PXDNL: variants seen among roughly 807,000 people sequenced by gnomAD.
PXDNL encodes the protein peroxidasin like.
Under a neutral mutation model 150.8 loss-of-function variants are expected in PXDNL, and 145 were observed. The observed-to-expected ratio is 0.96, with a 90% confidence interval of 0.84 to 1.10. PXDNL has a LOEUF of 1.10. Among genes scored for constraint, PXDNL ranks in the 50% least tolerant of loss-of-function variants. PXDNL has a pLI of 0.00. For synonymous variants in PXDNL, 757 were observed against 725.7 expected, an observed-to-expected ratio of 1.04 and a Z score of -0.69; for missense variants, 2,087 against 1,873.9, an observed-to-expected ratio of 1.11 and a Z score of -2.10.
At chr8:51,578,057 AGAAAG>A (rs1181366525) in intron 3 of PXDNL, among the ~76,000 whole-genome samples, 14 of 143,490 alleles carry the variant, frequency 9.8e-5, no homozygotes, top group East Asian at 2.0e-4. Context: ...AAGGAAAGAA[AGAAAG>A]GAAAGAAAGA....
chr8:51,426,593 C>A, intron 13 of PXDNL, 53 bp downstream of exon 13: 2 of 1,008,054 alleles, frequency 2.0e-6, no homozygotes, highest in South Asian at 1.5e-5. Context: ...TTCAGTGGGT[C>A]GATACATCTG....
chr8:51,449,050 A>T lies in PXDNL; in HGVS notation c.1318T>A (p.Cys440Ser). 1 of 1,553,148 alleles carries T rather than the reference A, an allele frequency of 6.4e-7. No individual in the cohort carries two copies. Among genetic ancestry groups the T allele is most frequent in the Non-Finnish European group, 8.7e-7 (1 of 1,147,724 alleles). The stretch of plus-strand genomic sequence containing the variant: ...GGAGGTGGGTTGCCGTCAGCTTCAC[A>T]GAGCCACTCTACAGCATGTTCTTCC... ...VLEEHAVEWLCEADGNPPPVI... is the reference protein window; with the variant it reads ...VLEEHAVEWLSEADGNPPPVI... The change falls in exon 11 of 23, where the codon TGT becomes AGT. Residue 440 changes from cysteine to serine, a missense_variant. Physicochemically the swap from Cys to Ser is moderately radical, Grantham distance 112 (BLOSUM62 -1). Transcript: ENST00000356297.
intron 1 of PXDNL, among the ~76,000 whole-genome samples, chr8:51,733,826 T>G (rs1270081173): frequency 1.4e-5 from 2 of 141,740 alleles, no homozygotes; most frequent in Non-Finnish European, 3.1e-5. Context: ...TATATATATA[T>G]ATATATAATT....
intron 17 of PXDNL, among the ~76,000 whole-genome samples, 177 bp downstream of exon 17, chr8:51,407,890 A>G (rs1471906459): frequency 6.6e-6 from 1 of 152,158 alleles, no homozygotes; most frequent in Non-Finnish European, 1.5e-5. Flanking sequence ...AGGAGCAGAA[A>G]GGGGGATTTC....
intron 14 of PXDNL, among the ~76,000 whole-genome samples, chr8:51,418,619 A>G (rs1189025372): frequency 6.6e-6 from 1 of 152,220 alleles, no homozygotes; most frequent in East Asian, 1.9e-4. Context: ...ATTAATGTAT[A>G]GCATTTGGAA....
intron 3 of PXDNL, among the ~76,000 whole-genome samples, chr8:51,587,588 T>A (rs1813352504): frequency 6.6e-6 from 1 of 152,166 alleles, no homozygotes; most frequent in Non-Finnish European, 1.5e-5. Flanking sequence ...CAAATGAAAA[T>A]TAACCTCCTG....
At chr8:51,511,778 C>T (rs1001391732) in intron 4 of PXDNL, among the ~76,000 whole-genome samples, 1 of 152,130 alleles carries the variant, frequency 6.6e-6, no homozygotes, top group Non-Finnish European at 1.5e-5. Context: ...GGATAAACGC[C>T]CAGGATGAAG....
At chr8:51,657,022 T>C (rs565204105) in intron 1 of PXDNL, among the ~76,000 whole-genome samples, 1 of 152,304 alleles carries the variant, frequency 6.6e-6, no homozygotes, top group African/African-American at 2.4e-5. Flanking sequence ...CCACTGTAAG[T>C]TGAAAACATT....
rs573435731 is a variant in PXDNL, at chr8:51,319,690, C to T, written c.*201G>A. 5.4e-6 allele frequency: 2 copies of T among 368,736 alleles called. No individual in the cohort carries two copies. The highest frequency in any genetic ancestry group is 2.1e-5 in the African/African-American group (1 of 47,678). The allele number at this position is 368,736 out of a possible 1,614,324, so 22.8% of individuals were successfully genotyped here. ...CAAACACTTCATATGCACTTTATTG[C>T]TTTTAGTTTTGAATTATTTCAAGGT... On this transcript the variant is annotated 3_prime_UTR_variant, in exon 23 of 23. Coordinates refer to ENST00000356297, the MANE Select transcript of PXDNL (RefSeq NM_144651.5).
chr8:51,507,091 C>T (rs2915499), intron 4 of PXDNL, among the ~76,000 whole-genome samples: 71,658 of 151,894 alleles, frequency 0.47, 18,321 homozygotes, highest in African/African-American at 0.68. Flanking sequence ...ATTGAGTGCC[C>T]GTGAAGTGTG....
At chr8:51,577,976 A>AGG (rs1813104273) in intron 3 of PXDNL, among the ~76,000 whole-genome samples, 11 of 105,296 alleles carry the variant, frequency 1.0e-4, no homozygotes, top group South Asian at 3.3e-4. Flanking sequence ...AGAAAGAAAG[A>AGG]AAGAAAGAAA....
intron 21 of PXDNL, among the ~76,000 whole-genome samples, chr8:51,328,768 C>G (rs140955901): frequency 5.3e-5 from 8 of 152,228 alleles, no homozygotes; most frequent in African/African-American, 1.9e-4. Context: ...AGAAGTTTAC[C>G]TTAAGGAAAC....
At chr8:51,588,320 T>C (rs1291173660) in intron 3 of PXDNL, among the ~76,000 whole-genome samples, 2 of 152,236 alleles carry the variant, frequency 1.3e-5, no homozygotes, top group African/African-American at 4.8e-5. Context: ...CTTGGCAATG[T>C]TATTGAAAAC....
At chr8:51,790,399 C>T (rs554353612) in intron 1 of PXDNL, among the ~76,000 whole-genome samples, 1 of 152,304 alleles carries the variant, frequency 6.6e-6, no homozygotes, top group Admixed American at 6.5e-5. Flanking sequence ...CATTAAATTA[C>T]TCTAAATTTT....
intron 19 of PXDNL, among the ~76,000 whole-genome samples, chr8:51,361,259 C>A (rs1181455049): frequency 6.6e-6 from 1 of 152,142 alleles, no homozygotes; most frequent in Non-Finnish European, 1.5e-5. Flanking sequence ...TGGCTTGGAT[C>A]CAGTTAGAGG....
At chr8:51,742,812 GAA>G (rs893309455) in intron 1 of PXDNL, among the ~76,000 whole-genome samples, 4 of 152,140 alleles carry the variant, frequency 2.6e-5, no homozygotes, top group Admixed American at 2.0e-4. Flanking sequence ...AATAGAAAGA[GAA>G]TGTTTCCTGA....
intron 22 of PXDNL, among the ~76,000 whole-genome samples, chr8:51,320,419 G>T (rs1253325988): frequency 1.3e-5 from 2 of 152,162 alleles, no homozygotes; most frequent in Non-Finnish European, 2.9e-5. Flanking sequence ...AATTGTGTAG[G>T]TTTACCAAGT....
intron 3 of PXDNL, among the ~76,000 whole-genome samples, chr8:51,565,250 C>T: frequency 6.6e-6 from 1 of 150,918 alleles, no homozygotes; most frequent in Non-Finnish European, 1.5e-5. Flanking sequence ...AAAGGGCTCT[C>T]CTAGCCCCCT....
At chr8:51,436,925 T>A (rs965341841) in intron 12 of PXDNL, among the ~76,000 whole-genome samples, 3 of 152,086 alleles carry the variant, frequency 2.0e-5, no homozygotes, top group Non-Finnish European at 4.4e-5. Context: ...GCTGGTTCTT[T>A]GAAAAGATAA....
Sources: allele counts gnomAD v4.1 joint callset (sites outside exome capture counted in the v4.1 genomes callset), GRCh38; gene constraint gnomAD v4.1.1; transcripts MANE v1.5; gene names NCBI Gene and HGNC (gene_info 2026-07-23, HGNC 2026-07-21).